EIF4ENIF1: variants seen among roughly 807,000 people sequenced by gnomAD.
The protein encoded by EIF4ENIF1 is eukaryotic translation initiation factor 4E nuclear import factor 1, also known as eukaryotic translation initiation factor 4E transporter.
Under a neutral mutation model 110.5 loss-of-function variants are expected in EIF4ENIF1, and 23 were observed. The observed-to-expected ratio is 0.21, with a 90% CI of 0.15 to 0.29. The LOEUF (loss-of-function observed/expected upper bound fraction) is 0.29, where lower values mean the gene tolerates loss of function less well. Ranked by LOEUF, EIF4ENIF1 falls within the 10% of genes least tolerant of loss-of-function variation. The pLI is 1.00. For missense variants in EIF4ENIF1, 1,031 were observed against 1,221.1 expected (o/e 0.84, Z 2.32); for synonymous variants, 440 against 437.0 (o/e 1.01, Z -0.09).
chr22:31,475,620 C>T (rs560123330), intron 2 of EIF4ENIF1, among the ~76,000 whole-genome samples: 15 of 151,272 alleles, frequency 9.9e-5, no homozygotes, highest in South Asian at 6.3e-4. Context: ...GGTGTGGTAG[C>T]GGACGCCTGT....
chr22:31,466,472 C>T (rs2051191500), intron 4 of EIF4ENIF1, among the ~76,000 whole-genome samples: 1 of 151,504 alleles, frequency 6.6e-6, no homozygotes, highest in Non-Finnish European at 1.5e-5. Context: ...ATCCCAGCTA[C>T]TCAGGAAGCT....
chr22:31,479,614 C>A (rs1434942188), intron 2 of EIF4ENIF1: 1 of 151,474 alleles, frequency 6.6e-6, no homozygotes, highest in East Asian at 1.9e-4. Flanking sequence ...TGGGAAGTGG[C>A]CACTCTAACT....
intron 2 of EIF4ENIF1, among the ~76,000 whole-genome samples, chr22:31,488,016 A>G (rs2052110336): frequency 6.6e-6 from 1 of 152,156 alleles, no homozygotes. Context: ...CAAGACATGT[A>G]CTGATGCAAG....
intron 2 of EIF4ENIF1, among the ~76,000 whole-genome samples, chr22:31,484,824 C>T (rs1216489801): frequency 6.6e-6 from 1 of 152,192 alleles, no homozygotes; most frequent in African/African-American, 2.4e-5. Context: ...AAGAGTGAAA[C>T]TCCACCTCAA....
At chr22:31,464,123 AT>A in intron 4 of EIF4ENIF1, 156 bp from the exon 5 acceptor site, 1 of 856,082 alleles carries the variant, frequency 1.2e-6, no homozygotes, top group Non-Finnish European at 1.7e-6. Flanking sequence ...TAACATGTAC[AT>A]TATGTATTTA....
At chr22:31,492,529 C>T (rs938079439), upstream of EIF4ENIF1, among the ~76,000 whole-genome samples, 4 of 152,180 alleles carry the variant, frequency 2.6e-5, no homozygotes, top group Non-Finnish European at 5.9e-5. Context: ...ACTTTGGCCT[C>T]AACTCATTTC....
chr22:31,483,199 A>T (rs1198684667), intron 2 of EIF4ENIF1, among the ~76,000 whole-genome samples: 1 of 141,270 alleles, frequency 7.1e-6, no homozygotes, highest in East Asian at 2.2e-4. Context: ...CACCACTGCC[A>T]GGAGACGATC....
chr22:31,448,628 T>C (rs1203239886), intron 12 of EIF4ENIF1, among the ~76,000 whole-genome samples: 1 of 152,234 alleles, frequency 6.6e-6, no homozygotes, highest in Non-Finnish European at 1.5e-5. Flanking sequence ...TCAAGGTTTG[T>C]TTGGCAGGAG....
intron 4 of EIF4ENIF1, among the ~76,000 whole-genome samples, chr22:31,466,141 G>A (rs910774075): frequency 8.5e-5 from 13 of 152,088 alleles, no homozygotes; most frequent in Middle Eastern, 3.4e-3. Context: ...GGCCAGGCAC[G>A]GTGACTCATG....
chr22:31,447,082 T>A, intron 14 of EIF4ENIF1: 2 of 428,370 alleles, frequency 4.7e-6, no homozygotes, highest in South Asian at 3.6e-5. Context: ...AGAAACATCC[T>A]AAGATTTTAA....
At chr22:31,473,288 C>CAT (rs1297088327) in intron 2 of EIF4ENIF1, among the ~76,000 whole-genome samples, 1 of 152,160 alleles carries the variant, frequency 6.6e-6, no homozygotes, top group African/African-American at 2.4e-5. Context: ...TAATCCCTCA[C>CAT]ATATAACGGA....
chr22:31,460,900 G>A (rs1039365239), intron 6 of EIF4ENIF1, among the ~76,000 whole-genome samples: 4 of 152,124 alleles, frequency 2.6e-5, no homozygotes, highest in Admixed American at 6.5e-5. Context: ...AGCTAAGATC[G>A]TGCCACTGCA....
At position 31,439,711 on chromosome 22, in the gene EIF4ENIF1, G is replaced by T; in HGVS notation, c.*169C>A. On this transcript the variant is annotated 3_prime_UTR_variant, in exon 19 of 19. Coordinates refer to ENST00000330125, the MANE Select transcript of EIF4ENIF1 (RefSeq NM_019843.4). ...AGACAATGTACACTCCACTCGACTG[G>T]TTAAGATCCTTCCATCATAATGCGG... is the stretch of plus-strand genomic sequence containing the variant. The T allele has an allele frequency of 1.1e-6, 1 of 911,498 alleles. No individual in the cohort carries two copies. Among genetic ancestry groups the T allele is most frequent in the Non-Finnish European group, 1.6e-6 (1 of 621,540 alleles). 56.5% of individuals were successfully genotyped at this position (911,498 alleles called of 1,614,324 possible).
intron 6 of EIF4ENIF1, among the ~76,000 whole-genome samples, chr22:31,460,826 G>A (rs2050968728): frequency 2.0e-5 from 3 of 151,536 alleles, no homozygotes; most frequent in Admixed American, 2.0e-4. Context: ...GGCGCCTGTA[G>A]TCCCAGCTAC....
At chr22:31,482,493 C>T (rs2051854853) in intron 2 of EIF4ENIF1, among the ~76,000 whole-genome samples, 1 of 151,824 alleles carries the variant, frequency 6.6e-6, no homozygotes, top group Non-Finnish European at 1.5e-5. Flanking sequence ...ACCAACCTTA[C>T]CAATATGGTG....
chr22:31,464,092 G>A, intron 4 of EIF4ENIF1, 125 bp from the exon 5 acceptor site: 1 of 1,285,934 alleles, frequency 7.8e-7, no homozygotes, highest in Non-Finnish European at 1.0e-6. Context: ...ACTAAAATTG[G>A]GCTTATCAGC....
At chr22:31,476,346 A>G (rs1393916960) in intron 2 of EIF4ENIF1, among the ~76,000 whole-genome samples, 1 of 152,220 alleles carries the variant, frequency 6.6e-6, no homozygotes, top group Non-Finnish European at 1.5e-5. Flanking sequence ...TTACCACTAC[A>G]GCTGTTTGCT....
At chr22:31,450,844 TACACAC>T (rs372740127) in intron 10 of EIF4ENIF1, 7,328 of 121,046 alleles carry the variant, frequency 0.061, 225 homozygotes, top group South Asian at 0.1. Context: ...ATATATATAC[TACACAC>T]ACACACACAC....
chr22:31,445,013 G>C (rs559215456), intron 14 of EIF4ENIF1, among the ~76,000 whole-genome samples: 2 of 152,288 alleles, frequency 1.3e-5, no homozygotes, highest in East Asian at 3.9e-4. Flanking sequence ...GAAATAACAA[G>C]GCACTGCAGG....
Sources: gnomAD v4.1 joint callset for allele counts (sites outside exome capture counted in the v4.1 genomes callset) on GRCh38, gnomAD v4.1.1 for gene constraint, MANE v1.5 for transcripts, NCBI Gene and HGNC (gene_info 2026-07-23, HGNC 2026-07-21) for gene names.